The following POLR3A variants were observed in gnomAD, a reference collection of about 807,000 sequenced individuals.
POLR3A encodes RNA polymerase III subunit A.
POLR3A carries 112 observed loss-of-function variants against 152.8 expected under a neutral mutation model. That is an observed-to-expected ratio of 0.73 (90% CI 0.63 to 0.86). The LOEUF (loss-of-function observed/expected upper bound fraction) is 0.86. Ranked by LOEUF, POLR3A falls within the 40% of genes least tolerant of loss-of-function variation. The probability of loss-of-function intolerance (pLI) is 0.00; values close to 1 mark genes in which losing one functional copy is unlikely to be tolerated. For synonymous variants in POLR3A, 615 were observed against 652.1 expected, an observed-to-expected ratio of 0.94 and a Z score of 0.87; for missense variants, 1,385 against 1,743.1, an observed-to-expected ratio of 0.79 and a Z score of 3.66.
At chr10:77,998,982 T>C (rs1847329037) in intron 19 of POLR3A, among the ~76,000 whole-genome samples, 1 of 152,216 alleles carries the variant, frequency 6.6e-6, no homozygotes, top group Admixed American at 6.5e-5. Context: ...TAAAAAATGA[T>C]GAGTTCACGT....
At chr10:78,024,452 A>T in intron 5 of POLR3A, 97 bp downstream of exon 5, 1 of 1,220,194 alleles carries the variant, frequency 8.2e-7, no homozygotes, top group Non-Finnish European at 1.2e-6. Flanking sequence ...GTGGGTGTCT[A>T]GGGGTGGGGC....
Position 78,025,116 on chromosome 10 carries a change from G to C in POLR3A, c.345C>G (p.Ile115Met). The change falls in exon 4 of 31, where the codon ATC becomes ATG. Residue 115 changes from isoleucine to methionine, a missense_variant. Around this residue, in one of 7 missense-constraint regions of POLR3A, gnomAD observed 493 missense variants for 647.5 expected, o/e 0.76. Coordinates refer to ENST00000372371, the MANE Select transcript of POLR3A (RefSeq NM_007055.4). ...GCTTCTTCTCCTCTTGGGACAGCATGATGTGGCAGCAGGTTTTGCAGATCA... is the reference window on the plus strand; with the variant it reads ...GCTTCTTCTCCTCTTGGGACAGCATCATGTGGCAGCAGGTTTTGCAGATCA... ...LQMICKTCCH[I>M]MLSQEEKKQF... The C allele has an allele frequency of 1.2e-6, 2 of 1,614,200 alleles. No homozygotes were observed. Among genetic ancestry groups the C allele is most frequent in the Non-Finnish European group, 1.7e-6 (2 of 1,180,032 alleles).
chr10:78,010,100 A>T, intron 12 of POLR3A, 109 bp from the exon 13 acceptor site: 1 of 1,399,090 alleles, frequency 7.1e-7, no homozygotes, highest in East Asian at 2.5e-5. Flanking sequence ...GCGTGAATTG[A>T]AACAAACAGC....
At chr10:78,015,329 T>C (rs1847512556) in intron 10 of POLR3A, among the ~76,000 whole-genome samples, 1 of 152,164 alleles carries the variant, frequency 6.6e-6, no homozygotes, top group Non-Finnish European at 1.5e-5. Context: ...ATTTGAAAAT[T>C]TTCTTTTTCT....
chr10:78,011,162 A>G (rs563581454), intron 11 of POLR3A, among the ~76,000 whole-genome samples: 1 of 152,206 alleles, frequency 6.6e-6, no homozygotes, highest in South Asian at 2.1e-4. Flanking sequence ...TGTTATTACT[A>G]TAGGTGCTTC....
intron 30 of POLR3A, among the ~76,000 whole-genome samples, chr10:77,979,516 C>T (rs932907606): frequency 1.3e-5 from 2 of 152,186 alleles, no homozygotes; most frequent in Non-Finnish European, 2.9e-5. Context: ...CCTCGTGCTC[C>T]CTCTCCCCCA....
At chr10:78,022,641 C>T (rs1467402526) in intron 5 of POLR3A, among the ~76,000 whole-genome samples, 1 of 152,126 alleles carries the variant, frequency 6.6e-6, no homozygotes, top group Non-Finnish European at 1.5e-5. Context: ...GATTTAGCTA[C>T]AAGAATGTTC....
At chr10:77,987,182 G>T (rs2131932343) in intron 21 of POLR3A, among the ~76,000 whole-genome samples, 1 of 152,248 alleles carries the variant, frequency 6.6e-6, no homozygotes, top group Middle Eastern at 3.4e-3. Flanking sequence ...GTGAGCTGAT[G>T]GCACCTGCCA....
At position 78,008,015 on chromosome 10, in the gene POLR3A, G is replaced by A; in HGVS notation, c.1910-149C>T. On this transcript the variant is annotated intron_variant, in intron 14 of 30. Coordinates refer to ENST00000372371, the MANE Select transcript of POLR3A (RefSeq NM_007055.4). Reference sequence around the variant, plus strand: ...TCTCCTCAAAGCTTTTTTTTGGGGGGAGGGAGGGGGGGTTAAAGGAAAACT... The same window carrying A: ...TCTCCTCAAAGCTTTTTTTTGGGGGAAGGGAGGGGGGGTTAAAGGAAAACT... The A allele has an allele frequency of 2.6e-5, 9 of 340,626 alleles. 1 individual carries two copies. Among genetic ancestry groups the A allele is most frequent in the Non-Finnish European group, 4.5e-5 (8 of 178,396 alleles). 21.1% of individuals were successfully genotyped at this position (340,626 alleles called of 1,614,324 possible).
intron 5 of POLR3A, among the ~76,000 whole-genome samples, chr10:78,023,062 G>T (rs968447969): frequency 6.6e-6 from 1 of 151,958 alleles, no homozygotes; most frequent in African/African-American, 2.4e-5. Context: ...GGAGGCTGAG[G>T]CAGGAGAATC....
At position 77,997,920 on chromosome 10, in the gene POLR3A, C is replaced by T. The variant is rs145367934; in HGVS notation, c.2616+2061G>A. On this transcript the variant is annotated intron_variant, in intron 19 of 30. Coordinates refer to ENST00000372371, the MANE Select transcript of POLR3A (RefSeq NM_007055.4). ...TTCAAACTACACAAGGCTACAGTAA[C>T]CAAAACAGAGATATAGACTGGTACC... 1.0e-2 allele frequency among the ~76,000 whole-genome samples: 1,517 copies of T among 151,940 alleles called. 33 individuals are homozygous for T. The highest frequency in any genetic ancestry group is 0.035 in the African/African-American group (1,461 of 41,460).
At chr10:77,986,855 C>T (rs1847203168) in intron 21 of POLR3A, among the ~76,000 whole-genome samples, 1 of 152,176 alleles carries the variant, frequency 6.6e-6, no homozygotes, top group Non-Finnish European at 1.5e-5. Flanking sequence ...GCACTCTCAG[C>T]CCCGGGAGGA....
At chr10:78,007,625 A>T (rs1307027951) in intron 15 of POLR3A, 77 bp downstream of exon 15, 8 of 1,306,016 alleles carry the variant, frequency 6.1e-6, no homozygotes, top group Non-Finnish European at 7.8e-6. Context: ...AATGGCAGTA[A>T]AAGAACAAAA....
rs142817248 is a variant in POLR3A, at chr10:78,018,774, G to A, written c.1289+388C>T. ...ATTTTTGTATTTTTAGTAGAAAAGG[G>A]GTTTCTTTGCCATATTGGCCAGGCT... is the stretch of plus-strand genomic sequence containing the variant. On this transcript the variant is annotated intron_variant, in intron 9 of 30. Transcript: ENST00000372371. Among the ~76,000 whole-genome samples the A allele has an allele frequency of 3.5e-3, 529 of 152,144 alleles. 5 individuals carry two copies. The highest frequency in any genetic ancestry group is 0.012 in the African/African-American group (488 of 41,518).
At chr10:77,980,413 G>A (rs1285805022) in intron 29 of POLR3A, 140 bp from the exon 30 acceptor site, 9 of 764,830 alleles carry the variant, frequency 1.2e-5, no homozygotes, top group Non-Finnish European at 4.5e-6. Context: ...GAGGAGCTAT[G>A]GGTCCGCCCT....
At chr10:78,029,125 C>T (rs1847665418) in intron 1 of POLR3A, among the ~76,000 whole-genome samples, 1 of 152,152 alleles carries the variant, frequency 6.6e-6, no homozygotes, top group Admixed American at 6.5e-5. Context: ...ATCATTAAGG[C>T]TCAGGCCACT....
At position 78,024,582 on chromosome 10, in the gene POLR3A, A is replaced by T. The variant is rs1847613607; in HGVS notation, c.612T>A (p.Asn204Lys). The change falls in exon 5 of 31, where the codon AAT becomes AAA. Residue 204 changes from asparagine (N) to lysine (K), a missense_variant. Physicochemically the swap from Asn to Lys is moderately conservative, Grantham distance 94 (BLOSUM62 0). Around this residue, in one of 7 missense-constraint regions of POLR3A, gnomAD observed 493 missense variants for 647.5 expected, o/e 0.76. Coordinates refer to ENST00000372371, the MANE Select transcript of POLR3A (RefSeq NM_007055.4). ...TTCCCAGCAGAGGCTCCACTTCTTT[A>T]TTATGTTCAATGGCTGTTTCAAAAG... is the stretch of plus-strand genomic sequence containing the variant. Reference protein sequence around the residue: ...LQSFETAIEHNKEVEPLLGRA... With the variant: ...LQSFETAIEHKKEVEPLLGRA... The T allele has an allele frequency of 6.2e-7, 1 of 1,613,940 alleles. No homozygotes were observed. Among genetic ancestry groups the T allele is most frequent in the Admixed American group, 1.7e-5 (1 of 59,998 alleles).
chr10:78,012,707 T>C (rs1847478144), intron 11 of POLR3A, among the ~76,000 whole-genome samples: 1 of 152,048 alleles, frequency 6.6e-6, no homozygotes, highest in East Asian at 1.9e-4. Flanking sequence ...ATAGTACATG[T>C]AGTGCCAACA....
In POLR3A at chr10:78,007,699, TACAC is replaced by T. The variant is rs1182897782; in HGVS notation, c.2073_2074+2del. The T allele has an allele frequency of 6.2e-7, 1 of 1,612,922 alleles. No homozygotes were observed. Among genetic ancestry groups the T allele is most frequent in the Non-Finnish European group, 8.5e-7 (1 of 1,179,070 alleles). ...ACTAAAAGAAGGATGCTGAGATACTTACACAGGTAGACAGGAGCCAGCCTGGCGA... is the reference window on the plus strand; with the variant it reads ...ACTAAAAGAAGGATGCTGAGATACTTAGGTAGACAGGAGCCAGCCTGGCGA... On this transcript the variant is annotated splice_donor_variant and coding_sequence_variant, in exon 15 of 31. Transcript: ENST00000372371. LOFTEE classifies it high-confidence loss of function.
Sources: allele counts gnomAD v4.1 joint callset (sites outside exome capture counted in the v4.1 genomes callset), GRCh38; gene constraint gnomAD v4.1.1; regional missense constraint gnomAD v4.1.1; transcripts MANE v1.5; gene names NCBI Gene and HGNC (gene_info 2026-07-23, HGNC 2026-07-21).